NCOA1: variants seen among roughly 807,000 people sequenced by gnomAD.
NCOA1 encodes the protein Hin-2 protein.
In NCOA1, 35 loss-of-function variants were observed where a neutral mutation model predicts 150.9. That is an observed-to-expected ratio of 0.23 (90% CI 0.18 to 0.31). NCOA1 has a LOEUF of 0.31. NCOA1 is among the 10% of genes least tolerant of loss of function. NCOA1 has a pLI of 1.00. For synonymous variants in NCOA1, 590 were observed against 630.0 expected (o/e 0.94, Z 0.95); for missense variants, 1,491 against 1,749.3 (o/e 0.85, Z 2.63).
At chr2:24,555,557 A>G (rs534455272) in intron 1 of NCOA1, among the ~76,000 whole-genome samples, 15 of 152,360 alleles carry the variant, frequency 9.8e-5, no homozygotes, top group African/African-American at 3.6e-4. Context: ...GAGTATTCAT[A>G]TCGATAACTG....
chr2:24,636,165 C>G (rs569256866), intron 3 of NCOA1, among the ~76,000 whole-genome samples: 1 of 152,206 alleles, frequency 6.6e-6, no homozygotes, highest in Admixed American at 6.5e-5. Flanking sequence ...ATTTTCTTTT[C>G]AAATATATGA....
At chr2:24,715,542 A>G (rs1673984768) in intron 14 of NCOA1, among the ~76,000 whole-genome samples, 1 of 152,252 alleles carries the variant, frequency 6.6e-6, no homozygotes, top group Non-Finnish European at 1.5e-5. Flanking sequence ...AAATGAACTT[A>G]GCAAAGTCAC....
chr2:24,544,616 A>G (rs1558781550), intron 1 of NCOA1, among the ~76,000 whole-genome samples: 1 of 152,086 alleles, frequency 6.6e-6, no homozygotes, highest in African/African-American at 2.4e-5. Context: ...GGCAGTATGC[A>G]CTGTAGTCCC....
chr2:24,670,074 G>A (rs1671613153), intron 6 of NCOA1, among the ~76,000 whole-genome samples: 1 of 152,164 alleles, frequency 6.6e-6, no homozygotes, highest in African/African-American at 2.4e-5. Flanking sequence ...GGAGTTTGAG[G>A]TTGCAATGAG....
At chr2:24,530,554 C>G (rs1232148961) in intron 1 of NCOA1, among the ~76,000 whole-genome samples, 1 of 152,216 alleles carries the variant, frequency 6.6e-6, no homozygotes. Context: ...TTCCACATAG[C>G]TACTTCCCAC....
intron 1 of NCOA1, among the ~76,000 whole-genome samples, chr2:24,519,684 G>C (rs1365547429): frequency 6.6e-6 from 1 of 151,000 alleles, no homozygotes; most frequent in Non-Finnish European, 1.5e-5. Flanking sequence ...AGCTGGGTTA[G>C]GTGGTGCATG....
At chr2:24,709,443 A>T (rs1026517390) in intron 13 of NCOA1, among the ~76,000 whole-genome samples, 3 of 152,178 alleles carry the variant, frequency 2.0e-5, no homozygotes, top group African/African-American at 7.2e-5. Flanking sequence ...ATAAATATTC[A>T]TTGGTCATTT....
intron 7 of NCOA1, among the ~76,000 whole-genome samples, chr2:24,673,715 C>A (rs1425804876): frequency 1.3e-5 from 2 of 152,074 alleles, no homozygotes; most frequent in Non-Finnish European, 2.9e-5. Flanking sequence ...TATTATATGG[C>A]TTTGCCTTTT....
intron 13 of NCOA1, among the ~76,000 whole-genome samples, chr2:24,709,768 G>A (rs761888272): frequency 3.3e-5 from 5 of 152,152 alleles, no homozygotes; most frequent in Non-Finnish European, 4.4e-5. Flanking sequence ...CCAAAAACTG[G>A]AAGCAACCCA....
intron 3 of NCOA1, among the ~76,000 whole-genome samples, chr2:24,593,444 C>T (rs934291544): frequency 1.7e-4 from 26 of 151,952 alleles, no homozygotes; most frequent in African/African-American, 6.3e-4. Context: ...CTTTCTTTAT[C>T]GAAAGTCTAA....
intron 4 of NCOA1, among the ~76,000 whole-genome samples, chr2:24,644,435 T>A (rs958135380): frequency 2.0e-5 from 3 of 152,164 alleles, no homozygotes; most frequent in Non-Finnish European, 4.4e-5. Context: ...CTAACATATA[T>A]CCAGTTAATT....
intron 5 of NCOA1, among the ~76,000 whole-genome samples, chr2:24,663,238 C>T (rs1443578511): frequency 6.6e-6 from 1 of 152,152 alleles, no homozygotes; most frequent in Non-Finnish European, 1.5e-5. Context: ...AACTTGGTAT[C>T]TTCACTCTTA....
chr2:24,523,292 A>G (rs1664498560), intron 1 of NCOA1, among the ~76,000 whole-genome samples: 1 of 152,168 alleles, frequency 6.6e-6, no homozygotes, highest in Non-Finnish European at 1.5e-5. Flanking sequence ...CTCCCCATAC[A>G]TCATGGGTAC....
At chr2:24,698,804 C>T (rs1045410903) in intron 11 of NCOA1, among the ~76,000 whole-genome samples, 3 of 152,128 alleles carry the variant, frequency 2.0e-5, no homozygotes, top group African/African-American at 4.8e-5. Flanking sequence ...CCTAAGTTTA[C>T]GGATGATTTT....
chr2:24,679,034 A>T (rs2148532184), intron 7 of NCOA1, among the ~76,000 whole-genome samples: 1 of 152,212 alleles, frequency 6.6e-6, no homozygotes, highest in Admixed American at 6.5e-5. Context: ...TTATTCCCGG[A>T]ACTTTGTCCC....
At chr2:24,517,692 T>A (rs988073468) in intron 1 of NCOA1, among the ~76,000 whole-genome samples, 3 of 152,220 alleles carry the variant, frequency 2.0e-5, no homozygotes, top group African/African-American at 7.2e-5. Flanking sequence ...AGCACACATG[T>A]GAAGTGCTTA....
intron 1 of NCOA1, among the ~76,000 whole-genome samples, chr2:24,505,697 A>G (rs1373157417): frequency 6.6e-6 from 1 of 152,094 alleles, no homozygotes; most frequent in African/African-American, 2.4e-5. Flanking sequence ...CCTTTGGCCC[A>G]AGGGATGGGC....
intron 1 of NCOA1, among the ~76,000 whole-genome samples, chr2:24,497,906 G>A (rs75861528): frequency 0.037 from 5,600 of 152,136 alleles, 128 homozygotes; most frequent in East Asian, 0.11. Context: ...GTTTCCACTT[G>A]TAATTTGAAT....
intron 3 of NCOA1, among the ~76,000 whole-genome samples, chr2:24,586,853 G>A (rs1283581647): frequency 1.3e-5 from 2 of 152,128 alleles, no homozygotes; most frequent in Non-Finnish European, 2.9e-5. Context: ...GCTCCCAGGA[G>A]CCTCTTTTCC....
Sources: allele counts gnomAD v4.1 joint callset (sites outside exome capture counted in the v4.1 genomes callset), GRCh38; gene constraint gnomAD v4.1.1; transcripts MANE v1.5; gene names NCBI Gene and HGNC (gene_info 2026-07-23, HGNC 2026-07-21).